The following LNX2 variants were observed in gnomAD, a reference collection of about 807,000 sequenced individuals.
LNX2 encodes the protein ligand of Numb protein X 2.
In LNX2, 35 loss-of-function variants were observed where a neutral mutation model predicts 66.2. The observed-to-expected ratio is 0.53, with a 90% confidence interval of 0.40 to 0.70. The LOEUF (loss-of-function observed/expected upper bound fraction) is 0.70, where lower values mean the gene tolerates loss of function less well. Among genes scored for constraint, LNX2 ranks in the 30% least tolerant of loss-of-function variants. The pLI is 0.00. For synonymous variants in LNX2, 337 were observed against 315.6 expected, an observed-to-expected ratio of 1.07 and a Z score of -0.72; for missense variants, 791 against 850.8, an observed-to-expected ratio of 0.93 and a Z score of 0.87.
chr13:27,583,203 T>C (rs865883601), intron 1 of LNX2, among the ~76,000 whole-genome samples: 3,016 of 16,414 alleles, frequency 0.18, 510 homozygotes, highest in African/African-American at 0.47. Flanking sequence ...TGTGTGTGTG[T>C]GTGTGTGTGT....
intron 6 of LNX2, among the ~76,000 whole-genome samples, chr13:27,559,360 T>C (rs1955100564): frequency 6.8e-6 from 1 of 146,784 alleles, no homozygotes; most frequent in South Asian, 2.1e-4. Context: ...AAATATGCTA[T>C]ATATGTACCT....
At chr13:27,620,913 G>C (rs552785988), upstream of LNX2, 1 of 151,178 alleles carries the variant, frequency 6.6e-6, no homozygotes, top group Non-Finnish European at 1.5e-5. Context: ...GGGGCGGGGT[G>C]GGGGGAGGCC....
At chr13:27,564,583 C>T (rs1265463443) in intron 4 of LNX2, among the ~76,000 whole-genome samples, 1 of 151,914 alleles carries the variant, frequency 6.6e-6, no homozygotes, top group Non-Finnish European at 1.5e-5. Flanking sequence ...GCAAAAAGCT[C>T]TAACAGCATA....
Position 27,553,288 on chromosome 13 carries a change from C to A in LNX2, c.1698G>T (p.Glu566Asp). The change falls in exon 8 of 10, where the codon GAG becomes GAT. Residue 566 changes from glutamate to aspartate, a missense_variant. Coordinates refer to ENST00000316334, the MANE Select transcript of LNX2 (RefSeq NM_153371.4). ...QIVEEATQNA[E>D]EQPSTFSENE... ...TTTCGCTGAAAGTACTCGGCTGCTCCTCCGCGTTCTGAGTCGCCTCCTCAA... is the reference window on the plus strand; with the variant it reads ...TTTCGCTGAAAGTACTCGGCTGCTCATCCGCGTTCTGAGTCGCCTCCTCAA... 1 of 1,614,184 alleles carries A rather than the reference C, an allele frequency of 6.2e-7. No individual in the cohort carries two copies.
At chr13:27,614,119 A>G (rs1444371473) in intron 1 of LNX2, among the ~76,000 whole-genome samples, 1 of 152,218 alleles carries the variant, frequency 6.6e-6, no homozygotes, top group Non-Finnish European at 1.5e-5. Context: ...GGAGAAATTT[A>G]GTTTATAGTT....
At chr13:27,595,061 C>G (rs116502081) in intron 1 of LNX2, among the ~76,000 whole-genome samples, 1,719 of 152,326 alleles carry the variant, frequency 0.011, 29 homozygotes, top group African/African-American at 0.038. Context: ...CTTCCCAGAT[C>G]TGACTCTAGT....
chr13:27,619,530 G>A (rs1428241184), intron 1 of LNX2, among the ~76,000 whole-genome samples: 1 of 152,186 alleles, frequency 6.6e-6, no homozygotes, highest in Non-Finnish European at 1.5e-5. Flanking sequence ...GCTCACAAGT[G>A]TTCCTCCTCC....
At chr13:27,570,821 A>T (rs983573468) in intron 2 of LNX2, among the ~76,000 whole-genome samples, 3 of 152,230 alleles carry the variant, frequency 2.0e-5, no homozygotes, top group Non-Finnish European at 4.4e-5. Flanking sequence ...GAAAAAATGA[A>T]CCAGGAACTG....
At chr13:27,604,700 C>T (rs1047883754) in intron 1 of LNX2, among the ~76,000 whole-genome samples, 1 of 151,822 alleles carries the variant, frequency 6.6e-6, no homozygotes, top group Non-Finnish European at 1.5e-5. Context: ...AAAAATTCTA[C>T]TATTCCACAA....
chr13:27,558,797 C>T (rs1305324241), intron 6 of LNX2, among the ~76,000 whole-genome samples: 1 of 152,030 alleles, frequency 6.6e-6, no homozygotes, highest in Non-Finnish European at 1.5e-5. Context: ...TTAACTAAAT[C>T]AAAGACCAAT....
chr13:27,583,650 G>A (rs1955449658), intron 1 of LNX2, among the ~76,000 whole-genome samples: 1 of 152,082 alleles, frequency 6.6e-6, no homozygotes, highest in Non-Finnish European at 1.5e-5. Flanking sequence ...TTCTACTGCT[G>A]AGGGATCAGG....
intron 4 of LNX2, among the ~76,000 whole-genome samples, chr13:27,565,097 A>C (rs1162431673): frequency 6.6e-6 from 1 of 152,206 alleles, no homozygotes; most frequent in African/African-American, 2.4e-5. Flanking sequence ...AAACAGTAAT[A>C]ATGCAGTGGA....
intron 2 of LNX2, among the ~76,000 whole-genome samples, chr13:27,575,795 C>T (rs1955335056): frequency 6.6e-6 from 1 of 151,992 alleles, no homozygotes. Flanking sequence ...AAATAGACTG[C>T]TATAAACTAG....
intron 1 of LNX2, among the ~76,000 whole-genome samples, chr13:27,615,859 T>C (rs1438046461): frequency 6.6e-6 from 1 of 152,276 alleles, no homozygotes; most frequent in East Asian, 1.9e-4. Flanking sequence ...GACCAATGAC[T>C]GTTTCAAAGA....
chr13:27,554,372 AT>A (rs1251332657), intron 7 of LNX2, among the ~76,000 whole-genome samples: 1 of 152,210 alleles, frequency 6.6e-6, no homozygotes, highest in African/African-American at 2.4e-5. Context: ...TTTTGAGAAC[AT>A]TTTAATCACT....
intron 1 of LNX2, among the ~76,000 whole-genome samples, chr13:27,598,156 A>T (rs1375653636): frequency 6.6e-6 from 1 of 151,728 alleles, no homozygotes. Context: ...ATCACTTAGC[A>T]CATCCTTACC....
intron 1 of LNX2, among the ~76,000 whole-genome samples, chr13:27,584,798 A>C (rs1397705555): frequency 6.6e-6 from 1 of 152,190 alleles, no homozygotes; most frequent in East Asian, 1.9e-4. Context: ...GCCTCAGATA[A>C]ATTGTGTTTT....
At chr13:27,617,848 T>C (rs200038616) in intron 1 of LNX2, among the ~76,000 whole-genome samples, 1 of 152,176 alleles carries the variant, frequency 6.6e-6, no homozygotes, top group East Asian at 1.9e-4. Context: ...CTACCATCAA[T>C]TGTTTTTAAC....
chr13:27,569,143 A>C lies in LNX2; in HGVS notation c.541T>G (p.Leu181Val), dbSNP rs780607318. The change falls in exon 3 of 10, where the codon TTG becomes GTG. Residue 181 changes from leucine to valine, a missense_variant. Transcript: ENST00000316334. ...AGTLSPEADC[L>V]GTGAVPVERH... Reference sequence around the variant, plus strand: ...TCCACAGGCACTGCGCCTGTCCCCAAACAGTCTGCTTCTGGAGATAAGGTA... The same window carrying C: ...TCCACAGGCACTGCGCCTGTCCCCACACAGTCTGCTTCTGGAGATAAGGTA... 107 of 1,612,520 alleles carry C rather than the reference A, an allele frequency of 6.6e-5. No individual in the cohort carries two copies. Among genetic ancestry groups the C allele is most frequent in the Non-Finnish European group, 8.3e-5 (98 of 1,179,566 alleles).
Sources: gnomAD v4.1 joint callset for allele counts (sites outside exome capture counted in the v4.1 genomes callset) on GRCh38, gnomAD v4.1.1 for gene constraint, MANE v1.5 for transcripts, NCBI Gene and HGNC (gene_info 2026-07-23, HGNC 2026-07-21) for gene names.